ANXA8: variants seen among roughly 807,000 people sequenced by gnomAD.
ANXA8 encodes annexin A8.
ANXA8 carries 9 observed loss-of-function variants against 26.8 expected under a neutral mutation model. The ratio of observed to expected loss-of-function variants is 0.34; its 90% CI spans 0.20 to 0.59. The LOEUF is 0.59. Ranked by LOEUF, ANXA8 falls within the 20% of genes least tolerant of loss-of-function variation. The pLI is 0.84. For missense variants in ANXA8, 83 were observed against 238.5 expected, an observed-to-expected ratio of 0.35 and a Z score of 4.29; for synonymous variants, 39 against 94.8, an observed-to-expected ratio of 0.41 and a Z score of 3.42.
At chr10:47,980,807 A>C in the ANXA8 span, among the ~76,000 whole-genome samples, 3 of 150,536 alleles carry the variant, frequency 2.0e-5, no homozygotes, top group African/African-American at 7.3e-5. Context: ...TTAGTAAGTA[A>C]AGGGATTAAA....
the ANXA8 span, among the ~76,000 whole-genome samples, chr10:47,722,507 CT>C: frequency 7.1e-6 from 1 of 139,888 alleles, no homozygotes; most frequent in Admixed American, 7.2e-5. Context: ...AAGGTGTAGG[CT>C]GGGGCTGCAG....
At chr10:47,502,280 C>T in the ANXA8 span, 14 of 1,591,820 alleles carry the variant, frequency 8.8e-6, no homozygotes, top group South Asian at 5.5e-5. Context: ...CCACAGGTCT[C>T]GTTCACCTCC....
At chr10:47,502,445 C>T in the ANXA8 span, 2 of 1,612,232 alleles carry the variant, frequency 1.2e-6, no homozygotes, top group Non-Finnish European at 8.5e-7. Flanking sequence ...CATTCCTTCT[C>T]TTCCCTCGTG....
chr10:47,490,365 G>A, the ANXA8 span: 4 of 146,434 alleles, frequency 2.7e-5, no homozygotes, highest in South Asian at 8.7e-4. Flanking sequence ...CACGGGGGCG[G>A]CAAGTCCAGC....
the ANXA8 span, chr10:47,581,242 C>G: frequency 2.2e-6 from 1 of 452,936 alleles, no homozygotes; most frequent in Non-Finnish European, 4.3e-6. Flanking sequence ...CGTAGCCTTT[C>G]TCTCTCCAGT....
the ANXA8 span, among the ~76,000 whole-genome samples, chr10:47,554,202 C>A: frequency 1.7e-5 from 2 of 118,124 alleles, 1 homozygote; most frequent in Non-Finnish European, 3.4e-5. Flanking sequence ...TCCCTGTGGT[C>A]CCAGCTACTC....
chr10:47,767,668 G>A, the ANXA8 span, among the ~76,000 whole-genome samples: 2 of 151,500 alleles, frequency 1.3e-5, no homozygotes, highest in Non-Finnish European at 2.9e-5. Context: ...TTCATTTCTG[G>A]CTGCAGTGAT....
the ANXA8 span, among the ~76,000 whole-genome samples, chr10:47,894,204 T>G: frequency 1.6e-5 from 2 of 127,448 alleles, no homozygotes; most frequent in Non-Finnish European, 3.3e-5. Flanking sequence ...TCAGAGGTGA[T>G]ACTGAACATA....
At chr10:47,486,475 TCTTA>T (rs1374643908), upstream of ANXA8, among the ~76,000 whole-genome samples, 5 of 138,812 alleles carry the variant, frequency 3.6e-5, no homozygotes, top group African/African-American at 5.3e-5. Flanking sequence ...ACATGAAAGA[TCTTA>T]CTTAGCATGA....
chr10:47,939,226 C>G, the ANXA8 span, among the ~76,000 whole-genome samples: 1 of 143,004 alleles, frequency 7.0e-6, no homozygotes, highest in Non-Finnish European at 1.5e-5. Context: ...TCACTTGAAC[C>G]CAGGAGGCGG....
chr10:47,883,369 G>A, the ANXA8 span, among the ~76,000 whole-genome samples: 126 of 9,718 alleles, frequency 0.013, no homozygotes, highest in Non-Finnish European at 0.017. Flanking sequence ...GTTGTCCAGC[G>A]TGTGACCAGA....
At chr10:47,651,711 A>G in the ANXA8 span, among the ~76,000 whole-genome samples, 7 of 151,376 alleles carry the variant, frequency 4.6e-5, no homozygotes, top group Non-Finnish European at 1.0e-4. Context: ...CCTGACCAAC[A>G]TGGAGAAACC....
chr10:47,693,753 C>T, the ANXA8 span, among the ~76,000 whole-genome samples: 1 of 151,760 alleles, frequency 6.6e-6, no homozygotes, highest in African/African-American at 2.4e-5. Flanking sequence ...TTGCTGAATA[C>T]CTCTTTGCTT....
chr10:47,895,016 C>T, the ANXA8 span, among the ~76,000 whole-genome samples: 8 of 76,248 alleles, frequency 1.0e-4, no homozygotes, highest in East Asian at 2.0e-4. Flanking sequence ...CCACACAACA[C>T]GCACACATCC....
At chr10:47,981,533 TC>T in the ANXA8 span, among the ~76,000 whole-genome samples, 2 of 96,766 alleles carry the variant, frequency 2.1e-5, no homozygotes, top group African/African-American at 7.3e-5. Flanking sequence ...GATGACATAA[TC>T]TAAGGAATTC....
chr10:47,484,644 G>A (rs1372044647), upstream of ANXA8: 651 of 934,974 alleles, frequency 7.0e-4, 3 homozygotes, highest in African/African-American at 9.6e-3. Flanking sequence ...AACCCCTCGG[G>A]ACCATTCAGA....
chr10:47,591,066 C>T, the ANXA8 span, among the ~76,000 whole-genome samples: 6 of 143,790 alleles, frequency 4.2e-5, 1 homozygote, highest in South Asian at 4.2e-4. Flanking sequence ...GAAGTGGGAA[C>T]GCATCTTGTC....
chr10:47,653,583 GGAGAGTT>G, the ANXA8 span, among the ~76,000 whole-genome samples: 1 of 150,554 alleles, frequency 6.6e-6, no homozygotes, highest in African/African-American at 2.5e-5. Context: ...GTTTCCAAGT[GGAGAGTT>G]GAGTAAATGA....
the ANXA8 span, among the ~76,000 whole-genome samples, chr10:47,979,549 T>G: frequency 2.0e-5 from 3 of 151,468 alleles, no homozygotes; most frequent in Admixed American, 6.6e-5. Flanking sequence ...ATTGTTTGGG[T>G]GGGCCCAATC....
Sources: allele counts gnomAD v4.1 joint callset (sites outside exome capture counted in the v4.1 genomes callset), GRCh38; gene constraint gnomAD v4.1.1; transcripts MANE v1.5; gene names NCBI Gene and HGNC (gene_info 2026-07-23, HGNC 2026-07-21).